The following PTRH2 variants were observed in gnomAD, a reference collection of about 807,000 sequenced individuals.
PTRH2 encodes peptidyl-tRNA hydrolase 2, mitochondrial.
A neutral mutation model predicts 12.3 loss-of-function variants in PTRH2; 10 were observed. That is an observed-to-expected ratio of 0.81 (90% CI 0.50 to 1.38). The LOEUF (loss-of-function observed/expected upper bound fraction) is 1.38. PTRH2 is among the 40% of genes most tolerant of loss of function. The probability of loss-of-function intolerance (pLI) is 0.00; values close to 1 mark genes in which losing one functional copy is unlikely to be tolerated. For missense variants in PTRH2, 176 were observed against 214.1 expected (o/e 0.82, Z 1.11); for synonymous variants, 73 against 77.4 (o/e 0.94, Z 0.30).
At chr17:59,704,827 C>T (rs1472654009) in intron 1 of PTRH2, among the ~76,000 whole-genome samples, 4 of 152,090 alleles carry the variant, frequency 2.6e-5, no homozygotes, top group African/African-American at 9.7e-5. Context: ...CTCACTTTGT[C>T]ACCCAGGCTG....
chr17:59,702,826 A>C (rs1217400635), intron 1 of PTRH2, among the ~76,000 whole-genome samples: 1 of 152,222 alleles, frequency 6.6e-6, no homozygotes, highest in Non-Finnish European at 1.5e-5. Context: ...TTACCCATAC[A>C]AACATTCTGT....
chr17:59,704,523 A>G (rs954891681), intron 1 of PTRH2, among the ~76,000 whole-genome samples: 3 of 152,196 alleles, frequency 2.0e-5, no homozygotes, highest in African/African-American at 7.2e-5. Flanking sequence ...TACTGAAGAG[A>G]TGGAAGAGTA....
chr17:59,703,108 G>A (rs1167360733), intron 1 of PTRH2, among the ~76,000 whole-genome samples: 1 of 152,010 alleles, frequency 6.6e-6, no homozygotes, highest in Non-Finnish European at 1.5e-5. Context: ...TCGAACTCCT[G>A]AGCTCAAGCA....
chr17:59,698,092 A>T, intron 1 of PTRH2, 114 bp from the exon 2 acceptor site: 1 of 1,077,236 alleles, frequency 9.3e-7, no homozygotes, highest in Non-Finnish European at 1.3e-6. Flanking sequence ...AAAAAAGGCA[A>T]AACACACCTT....
chr17:59,704,044 G>C (rs1483544401), intron 1 of PTRH2, among the ~76,000 whole-genome samples: 1 of 150,932 alleles, frequency 6.6e-6, no homozygotes, highest in Non-Finnish European at 1.5e-5. Flanking sequence ...CTGACCTCAG[G>C]TGATCCACCC....
At chr17:59,698,466 C>G (rs2033491537) in intron 1 of PTRH2, 3 of 220,578 alleles carry the variant, frequency 1.4e-5, no homozygotes. Context: ...TTTACTAAGC[C>G]TGAGCAAGGA....
chr17:59,705,672 C>T (rs2033630553), intron 1 of PTRH2, among the ~76,000 whole-genome samples: 1 of 152,092 alleles, frequency 6.6e-6, no homozygotes, highest in Non-Finnish European at 1.5e-5. Context: ...CAAGGAGTTG[C>T]TTGAGGTCGA....
rs776839594 is a variant in PTRH2 at position 59,697,585 on chromosome 17, G to A, written c.394C>T (p.His132Tyr). ...ACAGTCAGTCCCAGCATTTTTGCAT[G>A]GGCCAATAATGCAATCAGGGTTTCT... ...DEETLIALLA[H>Y]AKMLGLTVSL... is the part of the protein sequence containing the mutation. The change falls in exon 2 of 2, where the codon CAT (histidine) becomes TAT (tyrosine). Residue 132 changes from histidine (H) to tyrosine (Y), a missense_variant. Physicochemically the swap from His to Tyr is moderately conservative, Grantham distance 83. Transcript: ENST00000393038. 3 of 1,614,144 alleles carry A rather than the reference G, an allele frequency of 1.9e-6. No individual in the cohort carries two copies. Among genetic ancestry groups the A allele is most frequent in the Non-Finnish European group, 2.5e-6 (3 of 1,180,000 alleles).
At chr17:59,700,804 G>A (rs2033542402) in intron 1 of PTRH2, 1 of 152,258 alleles carries the variant, frequency 6.6e-6, no homozygotes. Context: ...AAAGGAAAAG[G>A]GACACCTTTC....
At chr17:59,706,581 C>T (rs1309846009) in intron 1 of PTRH2, among the ~76,000 whole-genome samples, 2 of 152,106 alleles carry the variant, frequency 1.3e-5, no homozygotes, top group Non-Finnish European at 2.9e-5. Context: ...TAACATATTC[C>T]CAGAGTCTAG....
chr17:59,699,167 G>C (rs564835139), intron 1 of PTRH2: 1 of 364,094 alleles, frequency 2.7e-6, no homozygotes. Context: ...GTCAACTGTG[G>C]CGAATCTCTC....
intron 1 of PTRH2, chr17:59,698,348 G>C: frequency 3.9e-6 from 1 of 255,908 alleles, no homozygotes; most frequent in South Asian, 6.0e-5. Context: ...GTGCTAATCG[G>C]TGTTTTCACA....
chr17:59,705,326 C>T (rs1463152545), intron 1 of PTRH2, among the ~76,000 whole-genome samples: 1 of 152,186 alleles, frequency 6.6e-6, no homozygotes, highest in Non-Finnish European at 1.5e-5. Flanking sequence ...TCCATTACCT[C>T]ATTTATTGTT....
intron 1 of PTRH2, chr17:59,699,527 T>C (rs1482632451): frequency 6.5e-6 from 1 of 153,018 alleles, no homozygotes; most frequent in Admixed American, 6.5e-5. Context: ...TGGCACGGTC[T>C]TTTAGCATAT....
At chr17:59,707,123 G>A (rs1221451496) in intron 1 of PTRH2, 1 of 152,186 alleles carries the variant, frequency 6.6e-6, no homozygotes, top group Non-Finnish European at 1.5e-5. Context: ...GATACTGCCT[G>A]CCTGGAGGCT....
chr17:59,707,217 A>G (rs535301551), intron 1 of PTRH2, 154 bp downstream of exon 1: 3 of 152,474 alleles, frequency 2.0e-5, no homozygotes, highest in South Asian at 2.1e-4. Context: ...GAACAGGAAC[A>G]GAGGGCTCAG....
intron 1 of PTRH2, chr17:59,700,304 G>A (rs1341599431): frequency 6.6e-6 from 1 of 152,180 alleles, no homozygotes; most frequent in Non-Finnish European, 1.5e-5. Context: ...GTCTACAAAT[G>A]AGGCTGCTGG....
At chr17:59,698,051 C>T (rs938917038) in intron 1 of PTRH2, 73 bp from the exon 2 acceptor site, 13 of 1,434,186 alleles carry the variant, frequency 9.1e-6, no homozygotes, top group Non-Finnish European at 1.2e-5. Context: ...ATCAGAGAAA[C>T]ATTTTGACTA....
At chr17:59,705,057 G>C (rs777137580) in intron 1 of PTRH2, among the ~76,000 whole-genome samples, 4 of 152,174 alleles carry the variant, frequency 2.6e-5, no homozygotes, top group Non-Finnish European at 5.9e-5. Context: ...CAAAGTGCTG[G>C]GATACAGGCA....
Sources: allele counts gnomAD v4.1 joint callset (sites outside exome capture counted in the v4.1 genomes callset), GRCh38; gene constraint gnomAD v4.1.1; transcripts MANE v1.5; gene names NCBI Gene and HGNC (gene_info 2026-07-23, HGNC 2026-07-21).